The following ACOXL variants were observed in gnomAD, a reference collection of about 807,000 sequenced individuals.
ACOXL encodes the protein acyl-CoA oxidase like, also known as acyl-coenzyme A oxidase-like protein.
Under a neutral mutation model 71.9 loss-of-function variants are expected in ACOXL, and 70 were observed. The observed-to-expected ratio is 0.97, with a 90% confidence interval of 0.80 to 1.19. The LOEUF is 1.19. ACOXL is among the 50% of genes most tolerant of loss of function. ACOXL has a pLI of 0.00. For missense variants in ACOXL, 703 were observed against 736.3 expected, an observed-to-expected ratio of 0.95 and a Z score of 0.52; for synonymous variants, 253 against 281.6, an observed-to-expected ratio of 0.90 and a Z score of 1.02.
At chr2:110,933,451 C>T in intron 11 of ACOXL, 38 bp from the exon 12 acceptor site, 2 of 1,596,844 alleles carry the variant, frequency 1.3e-6, no homozygotes, top group Non-Finnish European at 1.7e-6. Context: ...GCTGACTGCA[C>T]CGCCACTTCC....
At chr2:110,902,178 AC>A (rs2059263199) in intron 10 of ACOXL, among the ~76,000 whole-genome samples, 1 of 152,200 alleles carries the variant, frequency 6.6e-6, no homozygotes, top group African/African-American at 2.4e-5. Flanking sequence ...ACTTAAAAAA[AC>A]AAAAAACAGG....
chr2:111,001,532 G>A (rs950665774), intron 14 of ACOXL, among the ~76,000 whole-genome samples: 1 of 152,196 alleles, frequency 6.6e-6, no homozygotes, highest in African/African-American at 2.4e-5. Flanking sequence ...CCACCTGGGT[G>A]TGCATAGGAC....
At chr2:110,887,982 A>C (rs1697508350) in intron 10 of ACOXL, 2 of 152,240 alleles carry the variant, frequency 1.3e-5, no homozygotes, top group Admixed American at 1.3e-4. Flanking sequence ...TATTTGAGTA[A>C]TTTGAATAAA....
chr2:110,859,217 A>G (rs1396948935), intron 10 of ACOXL, among the ~76,000 whole-genome samples: 1 of 152,240 alleles, frequency 6.6e-6, no homozygotes, highest in African/African-American at 2.4e-5. Context: ...GACTGATGAT[A>G]TGAAAAGATG....
chr2:110,763,721 C>T (rs111623126), intron 1 of ACOXL, among the ~76,000 whole-genome samples: 2 of 152,276 alleles, frequency 1.3e-5, no homozygotes, highest in African/African-American at 4.8e-5. Context: ...ACTTTCTGCT[C>T]TGTGAATGTC....
At chr2:110,793,454 T>C (rs1310172678) in intron 3 of ACOXL, among the ~76,000 whole-genome samples, 196 bp from the exon 4 acceptor site, 1 of 152,164 alleles carries the variant, frequency 6.6e-6, no homozygotes, top group African/African-American at 2.4e-5. Flanking sequence ...GAGCGACTCA[T>C]GAGCCATGTC....
At chr2:110,853,058 C>A (rs1455132603) in intron 10 of ACOXL, among the ~76,000 whole-genome samples, 1 of 152,206 alleles carries the variant, frequency 6.6e-6, no homozygotes, top group South Asian at 2.1e-4. Flanking sequence ...TCTGCATCCC[C>A]TCCACTGCCA....
chr2:110,770,005 G>T (rs1324659024), intron 2 of ACOXL, among the ~76,000 whole-genome samples: 4 of 152,020 alleles, frequency 2.6e-5, no homozygotes, highest in Non-Finnish European at 4.4e-5. Flanking sequence ...TCGCACCACC[G>T]CACTCCAGCC....
intron 14 of ACOXL, among the ~76,000 whole-genome samples, chr2:111,005,523 T>G (rs1279261863): frequency 6.6e-6 from 1 of 152,236 alleles, no homozygotes; most frequent in Non-Finnish European, 1.5e-5. Context: ...CTCTTGTGTG[T>G]GTTTGACTTT....
intron 3 of ACOXL, among the ~76,000 whole-genome samples, chr2:110,791,428 A>T (rs1223789525): frequency 1.3e-5 from 2 of 152,218 alleles, no homozygotes; most frequent in Non-Finnish European, 2.9e-5. Flanking sequence ...AGCCAAAGAG[A>T]TTTAGAGGTG....
rs150893628 is a variant in ACOXL, at chr2:111,058,592, T to G, written c.1440+9304T>G. Among the ~76,000 whole-genome samples the G allele has an allele frequency of 4.7e-3, 720 of 152,326 alleles. 6 individuals are homozygous for G. Among genetic ancestry groups the G allele is most frequent in the Middle Eastern group, 0.014 (4 of 294 alleles). On this transcript the variant is annotated intron_variant, in intron 16 of 17. Coordinates refer to ENST00000439055, the MANE Select transcript of ACOXL (RefSeq NM_001142807.4). ...ACCTGCTTAACTCTTCCTCTTGCCC[T>G]TACTAAATTTTAGCTGCTTTCTTTT... is the stretch of plus-strand genomic sequence containing the variant.
rs57292148 is a variant in ACOXL at position 110,768,492 on chromosome 2, T to TTGTGTGTGTG, written c.75+41_75+50dup. 2.0e-4 allele frequency: 258 copies of TTGTGTGTGTG among 1,280,342 alleles called. No homozygotes were observed. The African/African-American group carries it at 2.4e-3, about 12-fold the overall frequency. 79.3% of individuals were successfully genotyped at this position (1,280,342 alleles called of 1,614,324 possible). A position where few individuals can be genotyped will look rare whatever the true frequency, so the allele number is the denominator to read the frequency against. On this transcript the variant is annotated intron_variant, in intron 2 of 17. Transcript: ENST00000439055. ...AAGTGTCATTATTATTCTGGTATGG[T>TTGTGTGTGTG]TGTGTGTGTGTGTGTGTGTGTGAGA...
chr2:110,838,848 C>G (rs996458222), intron 9 of ACOXL, among the ~76,000 whole-genome samples: 1 of 152,208 alleles, frequency 6.6e-6, no homozygotes, highest in African/African-American at 2.4e-5. Flanking sequence ...GGCTTTCCCC[C>G]CTCCCCAGTT....
At chr2:111,038,034 G>T (rs1258677226) in intron 15 of ACOXL, among the ~76,000 whole-genome samples, 1 of 152,178 alleles carries the variant, frequency 6.6e-6, no homozygotes, top group Non-Finnish European at 1.5e-5. Flanking sequence ...AATAACATGG[G>T]TGGAAGCCCT....
rs550583425 is a variant in ACOXL at position 110,958,340 on chromosome 2, G to A, written c.1059+24698G>A. 1.5e-3 allele frequency among the ~76,000 whole-genome samples: 221 copies of A among 152,316 alleles called. 1 individual carries two copies. The highest frequency in any genetic ancestry group is 2.8e-3 in the Non-Finnish European group (188 of 68,022). On this transcript the variant is annotated intron_variant, in intron 12 of 17. Transcript: ENST00000439055. ...TATCATTGGCCACATGTCAGCCATG[G>A]GGAGAGCAGGCTGGCCCAGCACGCA...
At chr2:110,780,674 G>A (rs1683208305) in intron 2 of ACOXL, among the ~76,000 whole-genome samples, 1 of 152,160 alleles carries the variant, frequency 6.6e-6, no homozygotes, top group Non-Finnish European at 1.5e-5. Context: ...ACCCTGAAGA[G>A]CACATACTGT....
chr2:111,079,535 C>T (rs534218523), intron 16 of ACOXL, among the ~76,000 whole-genome samples: 1 of 152,340 alleles, frequency 6.6e-6, no homozygotes, highest in East Asian at 1.9e-4. Flanking sequence ...TCTCCTCATC[C>T]TCCAGCCAGA....
intron 16 of ACOXL, among the ~76,000 whole-genome samples, chr2:111,052,264 C>G (rs1309700672): frequency 2.0e-5 from 3 of 152,268 alleles, no homozygotes; most frequent in Non-Finnish European, 4.4e-5. Context: ...CTCAGATGAG[C>G]AAATTCATAG....
intron 12 of ACOXL, among the ~76,000 whole-genome samples, chr2:110,954,682 A>G (rs2061435911): frequency 1.3e-5 from 2 of 152,226 alleles, no homozygotes; most frequent in South Asian, 2.1e-4. Context: ...CAAATTAGCC[A>G]TCATGTTTAT....
Sources: gnomAD v4.1 joint callset for allele counts (sites outside exome capture counted in the v4.1 genomes callset) on GRCh38, gnomAD v4.1.1 for gene constraint, MANE v1.5 for transcripts, NCBI Gene and HGNC (gene_info 2026-07-23, HGNC 2026-07-21) for gene names.